Variants in NRG1 observed in about 807,000 individuals in gnomAD.
NRG1 encodes the protein neuregulin 1, also known as pro-neuregulin-1, membrane-bound isoform.
Under a neutral mutation model 63.8 loss-of-function variants are expected in NRG1, and 18 were observed. That is an observed-to-expected ratio of 0.28 (90% CI 0.19 to 0.42). The LOEUF (loss-of-function observed/expected upper bound fraction) is 0.42. NRG1 is among the 10% of genes least tolerant of loss of function. The pLI is 1.00. For missense variants in NRG1, 762 were observed against 814.7 expected (o/e 0.94, Z 0.79); for synonymous variants, 302 against 301.3 (o/e 1.00, Z -0.02).
intron 1 of NRG1, among the ~76,000 whole-genome samples, chr8:32,451,381 A>C (rs1029986559): frequency 4.6e-5 from 7 of 152,212 alleles, no homozygotes; most frequent in African/African-American, 1.7e-4. Context: ...GCCTCCTGGC[A>C]AAACAGGGCA....
chr8:32,109,456 A>G (rs1259375695), intron 1 of NRG1, among the ~76,000 whole-genome samples: 1 of 152,204 alleles, frequency 6.6e-6, no homozygotes, highest in Non-Finnish European at 1.5e-5. Context: ...CAGACCCAGC[A>G]TCACTCAGCT....
At chr8:32,494,127 A>G (rs1826920392) in intron 1 of NRG1, among the ~76,000 whole-genome samples, 1 of 152,212 alleles carries the variant, frequency 6.6e-6, no homozygotes, top group African/African-American at 2.4e-5. Flanking sequence ...ACTGTACTGC[A>G]AGGAATTCAA....
chr8:32,363,227 A>T (rs1278859177), intron 1 of NRG1, among the ~76,000 whole-genome samples: 1 of 152,196 alleles, frequency 6.6e-6, no homozygotes, highest in Non-Finnish European at 1.5e-5. Flanking sequence ...CACCTCCATG[A>T]CTAGCCTTTC....
intron 1 of NRG1, among the ~76,000 whole-genome samples, chr8:32,374,093 C>T (rs1355628322): frequency 6.6e-6 from 1 of 152,046 alleles, no homozygotes; most frequent in Non-Finnish European, 1.5e-5. Flanking sequence ...TGAAACTTCA[C>T]AATGTAGAGA....
At chr8:32,748,358 C>CAGAGAG (rs34657847) in intron 7 of NRG1, among the ~76,000 whole-genome samples, 1,739 of 121,912 alleles carry the variant, frequency 0.014, 30 homozygotes, top group African/African-American at 0.038. Context: ...CACACACACA[C>CAGAGAG]AGAGAGAGAG....
chr8:32,674,160 G>A (rs528613265), intron 5 of NRG1, among the ~76,000 whole-genome samples: 19 of 152,224 alleles, frequency 1.2e-4, no homozygotes, highest in African/African-American at 4.6e-4. Context: ...TCAATACAGT[G>A]CAGTTTTATT....
chr8:31,866,851 G>T (rs1366858075), intron 1 of NRG1, among the ~76,000 whole-genome samples: 1 of 152,040 alleles, frequency 6.6e-6, no homozygotes, highest in East Asian at 1.9e-4. Context: ...CAGGATAAGT[G>T]AATTTTTATG....
chr8:32,092,056 G>A (rs1563776296), intron 1 of NRG1, among the ~76,000 whole-genome samples: 1 of 151,828 alleles, frequency 6.6e-6, no homozygotes, highest in Non-Finnish European at 1.5e-5. Flanking sequence ...AATTCAAGAA[G>A]TAATTTTTTA....
chr8:31,877,948 C>T (rs1238688541), intron 1 of NRG1, among the ~76,000 whole-genome samples: 4 of 152,162 alleles, frequency 2.6e-5, no homozygotes, highest in Non-Finnish European at 5.9e-5. Flanking sequence ...TCGCAGAGTA[C>T]TGTTTTTGCT....
intron 1 of NRG1, among the ~76,000 whole-genome samples, chr8:32,448,764 CT>C (rs1193036906): frequency 2.6e-5 from 4 of 152,170 alleles, no homozygotes; most frequent in Non-Finnish European, 5.9e-5. Flanking sequence ...GGGGTCCCCC[CT>C]GCCACTGCCC....
chr8:31,865,985 C>T (rs1307001839), intron 1 of NRG1, among the ~76,000 whole-genome samples: 4 of 152,194 alleles, frequency 2.6e-5, no homozygotes, highest in Non-Finnish European at 5.9e-5. Context: ...ACCTGGTCAC[C>T]AGGCTCATTA....
At chr8:31,743,081 C>T (rs989204300) in intron 1 of NRG1, among the ~76,000 whole-genome samples, 1 of 151,972 alleles carries the variant, frequency 6.6e-6, no homozygotes, top group African/African-American at 2.4e-5. Context: ...CCGTTTTGAG[C>T]TCAAATAACA....
At chr8:32,220,084 G>T (rs1289589034) in intron 1 of NRG1, among the ~76,000 whole-genome samples, 2 of 152,130 alleles carry the variant, frequency 1.3e-5, no homozygotes, top group African/African-American at 4.8e-5. Flanking sequence ...AGTGGGGAAG[G>T]CGGGGGTGCT....
intron 1 of NRG1, among the ~76,000 whole-genome samples, chr8:32,167,761 G>A (rs1164044723): frequency 1.3e-5 from 2 of 152,238 alleles, no homozygotes; most frequent in East Asian, 3.9e-4. Context: ...TCTGGGGATG[G>A]CATCTGGTAC....
chr8:31,870,250 C>G (rs941476491), intron 1 of NRG1, among the ~76,000 whole-genome samples: 1 of 151,800 alleles, frequency 6.6e-6, no homozygotes, highest in Non-Finnish European at 1.5e-5. Context: ...GGAATGTAGT[C>G]AGATGGTAAA....
At chr8:32,541,115 G>A (rs1428705695) in intron 1 of NRG1, among the ~76,000 whole-genome samples, 2 of 152,112 alleles carry the variant, frequency 1.3e-5, no homozygotes, top group African/African-American at 4.8e-5. Flanking sequence ...CTGTTGCAAA[G>A]AAACTTGAGT....
intron 5 of NRG1, among the ~76,000 whole-genome samples, chr8:32,659,493 T>C (rs1802350706): frequency 1.3e-5 from 2 of 152,208 alleles, no homozygotes; most frequent in South Asian, 2.1e-4. Context: ...TTGGAAATTG[T>C]TTTTTGAATG....
intron 1 of NRG1, among the ~76,000 whole-genome samples, chr8:32,131,225 C>A (rs983114249): frequency 2.0e-5 from 3 of 151,920 alleles, no homozygotes; most frequent in African/African-American, 7.2e-5. Flanking sequence ...AAAAATAAAA[C>A]ATGCTTATGA....
intron 1 of NRG1, among the ~76,000 whole-genome samples, chr8:32,140,821 C>T (rs1483445590): frequency 6.6e-6 from 1 of 152,134 alleles, no homozygotes; most frequent in Non-Finnish European, 1.5e-5. Context: ...GGGTGACAAC[C>T]TCCACCTCCA....
Sources: gnomAD v4.1 joint callset for allele counts (sites outside exome capture counted in the v4.1 genomes callset) on GRCh38, gnomAD v4.1.1 for gene constraint, MANE v1.5 for transcripts, NCBI Gene and HGNC (gene_info 2026-07-23, HGNC 2026-07-21) for gene names.